Variants in NUBPL observed in about 807,000 individuals in gnomAD.
NUBPL encodes NUBP iron-sulfur cluster assembly factor, mitochondrial, also known as iron-sulfur cluster transfer protein NUBPL.
Under a neutral mutation model 45.7 loss-of-function variants are expected in NUBPL, and 31 were observed. The ratio of observed to expected loss-of-function variants is 0.68; its 90% CI spans 0.51 to 0.92. The LOEUF is 0.92. Among genes scored for constraint, NUBPL ranks in the 40% least tolerant of loss-of-function variants. NUBPL has a pLI of 0.00. For synonymous variants in NUBPL, 144 were observed against 140.9 expected (o/e 1.02, Z -0.15); for missense variants, 401 against 398.7 (o/e 1.01, Z -0.05).
At chr14:31,641,311 C>G (rs1229520203) in intron 4 of NUBPL, among the ~76,000 whole-genome samples, 1 of 152,168 alleles carries the variant, frequency 6.6e-6, no homozygotes, top group Non-Finnish European at 1.5e-5. Context: ...CTCTCTTCAT[C>G]ACTCCCTTAC....
At chr14:31,764,659 G>T (rs1434389326) in intron 6 of NUBPL, among the ~76,000 whole-genome samples, 1 of 152,174 alleles carries the variant, frequency 6.6e-6, no homozygotes, top group Non-Finnish European at 1.5e-5. Context: ...AGCAAGTCTA[G>T]ATATAATGAC....
At chr14:31,688,193 G>A (rs2036998822) in intron 6 of NUBPL, among the ~76,000 whole-genome samples, 1 of 152,144 alleles carries the variant, frequency 6.6e-6, no homozygotes, top group South Asian at 2.1e-4. Flanking sequence ...GATAATTTTA[G>A]GAAGAGGTTT....
intron 6 of NUBPL, among the ~76,000 whole-genome samples, chr14:31,703,934 G>T (rs940180220): frequency 3.9e-5 from 6 of 152,250 alleles, no homozygotes; most frequent in South Asian, 4.1e-4. Context: ...CATTTTTAGA[G>T]AAGCAGTATG....
intron 1 of NUBPL, 99 bp from the exon 2 acceptor site, chr14:31,561,969 G>T: frequency 8.7e-7 from 1 of 1,153,710 alleles, no homozygotes; most frequent in Non-Finnish European, 1.3e-6. Context: ...AGAAAAGAAA[G>T]CCCTCTTAAT....
intron 6 of NUBPL, among the ~76,000 whole-genome samples, chr14:31,773,444 A>C (rs1023229606): frequency 6.6e-6 from 1 of 152,192 alleles, no homozygotes; most frequent in African/African-American, 2.4e-5. Flanking sequence ...CCAGAGATGG[A>C]TGTAAATATT....
At chr14:31,738,654 A>G (rs1482474486) in intron 6 of NUBPL, among the ~76,000 whole-genome samples, 1 of 152,214 alleles carries the variant, frequency 6.6e-6, no homozygotes, top group Non-Finnish European at 1.5e-5. Context: ...AGGTTTTGAC[A>G]TCTCTGGTAG....
At chr14:31,852,101 G>A (rs552078355) in intron 10 of NUBPL, among the ~76,000 whole-genome samples, 5 of 152,144 alleles carry the variant, frequency 3.3e-5, no homozygotes, top group East Asian at 1.9e-4. Flanking sequence ...TGCCACTTTC[G>A]ATGTGTGACC....
In NUBPL at chr14:31,805,528, A is replaced by G. The variant is rs147307439; in HGVS notation, c.607+17655A>G. ...ATGGAATCAACCTAAATGCCTATCA[A>G]TGGTAGACTGAATAAAGAAAATATG... On this transcript the variant is annotated intron_variant, in intron 7 of 10. Coordinates refer to ENST00000281081, the MANE Select transcript of NUBPL (RefSeq NM_025152.3). Among the ~76,000 whole-genome samples, 411 of 152,360 alleles carry G rather than the reference A, an allele frequency of 2.7e-3. 1 individual carries two copies. The highest frequency in any genetic ancestry group is 9.0e-3 in the African/African-American group (373 of 41,588).
chr14:31,714,269 C>G (rs955817525), intron 6 of NUBPL, among the ~76,000 whole-genome samples: 1 of 151,842 alleles, frequency 6.6e-6, no homozygotes, highest in African/African-American at 2.4e-5. Flanking sequence ...TGTGGCAGAA[C>G]AAGAAGATAG....
At chr14:31,757,935 G>A (rs183150835) in intron 6 of NUBPL, among the ~76,000 whole-genome samples, 1 of 151,586 alleles carries the variant, frequency 6.6e-6, no homozygotes, top group Non-Finnish European at 1.5e-5. Flanking sequence ...TAACACTTTA[G>A]GGCCCTTGAA....
intron 7 of NUBPL, among the ~76,000 whole-genome samples, chr14:31,817,217 G>A (rs68170651): frequency 0.35 from 53,479 of 151,840 alleles, 10,115 homozygotes; most frequent in South Asian, 0.44. Context: ...TGAAAGTGAC[G>A]GTGAGAATGA....
At chr14:31,719,519 G>T (rs1301068619) in intron 6 of NUBPL, among the ~76,000 whole-genome samples, 2 of 151,648 alleles carry the variant, frequency 1.3e-5, no homozygotes, top group African/African-American at 2.4e-5. Flanking sequence ...TATTTAATTT[G>T]CTGTGAATTT....
intron 4 of NUBPL, among the ~76,000 whole-genome samples, chr14:31,648,653 C>A (rs1371738601): frequency 6.6e-6 from 1 of 152,180 alleles, no homozygotes; most frequent in East Asian, 1.9e-4. Flanking sequence ...TCAAATTAAA[C>A]ATAGACTATA....
At chr14:31,619,332 G>T (rs2034996950) in intron 4 of NUBPL, among the ~76,000 whole-genome samples, 2 of 152,170 alleles carry the variant, frequency 1.3e-5, no homozygotes, top group Non-Finnish European at 2.9e-5. Context: ...TCATTAGGAT[G>T]CTAGGTGGTT....
At chr14:31,798,669 G>A (rs991343281) in intron 7 of NUBPL, among the ~76,000 whole-genome samples, 2 of 150,668 alleles carry the variant, frequency 1.3e-5, no homozygotes, top group East Asian at 1.9e-4. Context: ...GCGGGCGCCT[G>A]TAGTCCTGGC....
intron 6 of NUBPL, chr14:31,771,931 T>A: frequency 1.0e-6 from 1 of 958,430 alleles, no homozygotes; most frequent in Non-Finnish European, 1.2e-6. Flanking sequence ...ATCCCTAGCA[T>A]GCAGTATGCT....
chr14:31,700,400 C>T (rs1047560789), intron 6 of NUBPL, among the ~76,000 whole-genome samples: 6 of 152,140 alleles, frequency 3.9e-5, no homozygotes, highest in East Asian at 1.9e-4. Context: ...TGGCAGCCCT[C>T]GCTTGCTCTC....
rs566617028 is a variant in NUBPL at position 31,602,796 on chromosome 14, T to C, written c.382+3417T>C. Among the ~76,000 whole-genome samples the C allele has an allele frequency of 3.3e-5, 5 of 152,266 alleles. No individual in the cohort carries two copies. In the East Asian group the frequency reaches 9.6e-4, roughly 29 times the overall value. On this transcript the variant is annotated intron_variant, in intron 4 of 10. Coordinates refer to ENST00000281081, the MANE Select transcript of NUBPL (RefSeq NM_025152.3). ...GGGATTATTTGAATAGGAAATATATTTGTGTTCAGAAAAGATGAAAATTAT... is the reference window on the plus strand; with the variant it reads ...GGGATTATTTGAATAGGAAATATATCTGTGTTCAGAAAAGATGAAAATTAT...
chr14:31,758,330 A>G (rs1438445635), intron 6 of NUBPL, among the ~76,000 whole-genome samples: 2 of 152,228 alleles, frequency 1.3e-5, no homozygotes, highest in African/African-American at 4.8e-5. Context: ...TCAGCAATAT[A>G]TAGTACAATT....
Sources: allele counts gnomAD v4.1 joint callset (sites outside exome capture counted in the v4.1 genomes callset), GRCh38; gene constraint gnomAD v4.1.1; transcripts MANE v1.5; gene names NCBI Gene and HGNC (gene_info 2026-07-23, HGNC 2026-07-21).